GPC6: variants seen among roughly 807,000 people sequenced by gnomAD.
The protein encoded by GPC6 is glypican-6.
GPC6 carries 14 observed loss-of-function variants against 55.2 expected under a neutral mutation model. The ratio of observed to expected loss-of-function variants is 0.25; its 90% CI spans 0.17 to 0.40. The LOEUF (loss-of-function observed/expected upper bound fraction) is 0.40, where lower values mean the gene tolerates loss of function less well. GPC6 is among the 10% of genes least tolerant of loss of function. The probability of loss-of-function intolerance (pLI) is 1.00; values close to 1 mark genes in which losing one functional copy is unlikely to be tolerated. For synonymous variants in GPC6, 278 were observed against 259.6 expected (o/e 1.07, Z -0.68); for missense variants, 641 against 708.5 (o/e 0.90, Z 1.08).
At chr13:93,735,106 A>G (rs1452531880) in intron 2 of GPC6, among the ~76,000 whole-genome samples, 1 of 152,160 alleles carries the variant, frequency 6.6e-6, no homozygotes, top group Admixed American at 6.5e-5. Flanking sequence ...TTTTGTGTCA[A>G]TAAAGATAAT....
At chr13:93,373,370 G>A (rs1325720952) in intron 1 of GPC6, among the ~76,000 whole-genome samples, 2 of 152,288 alleles carry the variant, frequency 1.3e-5, no homozygotes, top group Non-Finnish European at 2.9e-5. Context: ...AGAATTAATA[G>A]CTTCCTGGTA....
chr13:93,227,728 T>C lies in GPC6; in HGVS notation c.160+112T>C. 3.7e-6 allele frequency: 3 copies of C among 819,066 alleles called. No homozygotes were observed. Among genetic ancestry groups the C allele is most frequent in the Non-Finnish European group, 5.7e-6 (3 of 523,054 alleles). 50.7% of individuals were successfully genotyped at this position (819,066 alleles called of 1,614,324 possible). A position where few individuals can be genotyped will look rare whatever the true frequency, so the allele number is the denominator to read the frequency against. ...TGTTGCTGAGTTGGTGCTCACTTTC[T>C]GCCACCGCTATGGGACTCCGCGTCT... On this transcript the variant is annotated intron_variant, in intron 1 of 8. Coordinates refer to ENST00000377047, the MANE Select transcript of GPC6 (RefSeq NM_005708.5). This position sits in a 1 kb window ranked among gnomAD's most constrained non-coding sequence, Gnocchi z 4.3.
chr13:93,693,802 G>C (rs926773573), intron 2 of GPC6, among the ~76,000 whole-genome samples: 1 of 152,062 alleles, frequency 6.6e-6, no homozygotes, highest in Non-Finnish European at 1.5e-5. Context: ...GTTATATTTT[G>C]AAAGAACATT....
intron 1 of GPC6, among the ~76,000 whole-genome samples, chr13:93,271,754 G>A (rs1877534925): frequency 6.6e-6 from 1 of 152,094 alleles, no homozygotes; most frequent in South Asian, 2.1e-4. Flanking sequence ...AAAGAAATAT[G>A]AATAAAATAT....
intron 1 of GPC6, among the ~76,000 whole-genome samples, chr13:93,336,376 A>G (rs1391268422): frequency 6.6e-6 from 1 of 152,332 alleles, no homozygotes; most frequent in East Asian, 1.9e-4. Flanking sequence ...CCTAGGAGCA[A>G]TAATTGTTCC....
At chr13:93,332,491 G>A (rs1315590744) in intron 1 of GPC6, among the ~76,000 whole-genome samples, 1 of 151,910 alleles carries the variant, frequency 6.6e-6, no homozygotes, top group African/African-American at 2.4e-5. Flanking sequence ...TCATATACTT[G>A]CTGGCCATTT....
At chr13:94,027,995 T>A in intron 4 of GPC6, 101 bp downstream of exon 4, 2 of 1,082,754 alleles carry the variant, frequency 1.8e-6, no homozygotes, top group Non-Finnish European at 2.8e-6. Flanking sequence ...CCAGACACAG[T>A]GGTTCACATC....
At chr13:94,389,654 G>A (rs946749229) in intron 7 of GPC6, among the ~76,000 whole-genome samples, 4 of 152,106 alleles carry the variant, frequency 2.6e-5, no homozygotes, top group Admixed American at 2.6e-4. Context: ...GAAAAGGAGA[G>A]TATGACAGAC....
chr13:94,374,018 A>T (rs1879714391), intron 6 of GPC6, among the ~76,000 whole-genome samples: 1 of 152,122 alleles, frequency 6.6e-6, no homozygotes, highest in South Asian at 2.1e-4. Flanking sequence ...AAATGCTGAG[A>T]GATTTTGTCA....
intron 4 of GPC6, among the ~76,000 whole-genome samples, chr13:94,085,775 C>T (rs1433194474): frequency 1.3e-5 from 2 of 152,094 alleles, no homozygotes; most frequent in African/African-American, 2.4e-5. Flanking sequence ...ACATCTTTAA[C>T]GTATGTCTGA....
intron 1 of GPC6, among the ~76,000 whole-genome samples, chr13:93,377,907 T>C (rs1221239976): frequency 6.6e-6 from 1 of 152,220 alleles, no homozygotes; most frequent in East Asian, 1.9e-4. Context: ...GAAAAGTTAA[T>C]CATACAAATG....
At chr13:93,697,999 T>C (rs1882520486) in intron 2 of GPC6, among the ~76,000 whole-genome samples, 1 of 152,182 alleles carries the variant, frequency 6.6e-6, no homozygotes. Context: ...ATCTCTAAAA[T>C]AATCTGATTC....
chr13:93,820,135 A>G (rs910028985), intron 2 of GPC6, among the ~76,000 whole-genome samples: 2 of 152,214 alleles, frequency 1.3e-5, no homozygotes, highest in Non-Finnish European at 2.9e-5. Flanking sequence ...ATTATTTTTA[A>G]TGAACATTCA....
intron 4 of GPC6, among the ~76,000 whole-genome samples, chr13:94,219,842 C>G (rs976753266): frequency 1.3e-5 from 2 of 151,952 alleles, no homozygotes; most frequent in Non-Finnish European, 2.9e-5. Context: ...GATTTTAGAC[C>G]CTGATTTTCT....
intron 6 of GPC6, among the ~76,000 whole-genome samples, chr13:94,324,958 C>T (rs754216672): frequency 1.3e-5 from 2 of 152,068 alleles, no homozygotes; most frequent in African/African-American, 2.4e-5. Context: ...CTCCCAGGGC[C>T]GAATGTTCTG....
chr13:94,395,753 C>T (rs1880866241), intron 7 of GPC6, among the ~76,000 whole-genome samples: 1 of 152,130 alleles, frequency 6.6e-6, no homozygotes, highest in Non-Finnish European at 1.5e-5. Flanking sequence ...AGCTTTCAAG[C>T]AACAACAGTA....
chr13:94,349,365 T>C (rs1878427919), intron 6 of GPC6, among the ~76,000 whole-genome samples: 1 of 152,148 alleles, frequency 6.6e-6, no homozygotes, highest in African/African-American at 2.4e-5. Flanking sequence ...TCCCTACTCA[T>C]CCCTTTTGGT....
chr13:94,272,626 G>A (rs540162207), intron 4 of GPC6, among the ~76,000 whole-genome samples: 67 of 151,470 alleles, frequency 4.4e-4, no homozygotes, highest in African/African-American at 9.9e-4. Context: ...CCGCCACCAC[G>A]CCCGGCTAAT....
At chr13:93,752,073 T>C (rs372622071) in intron 2 of GPC6, among the ~76,000 whole-genome samples, 21 of 152,292 alleles carry the variant, frequency 1.4e-4, no homozygotes, top group African/African-American at 4.6e-4. Context: ...GAAAAAAATC[T>C]ATGAACTCTA....
Sources: gnomAD v4.1 joint callset for allele counts (sites outside exome capture counted in the v4.1 genomes callset) on GRCh38, gnomAD v4.1.1 for gene constraint, Gnocchi (gnomAD v3.1) non-coding constraint, MANE v1.5 for transcripts, NCBI Gene and HGNC (gene_info 2026-07-23, HGNC 2026-07-21) for gene names.